The following SSR2 variants were observed in gnomAD, a reference collection of about 807,000 sequenced individuals.
SSR2 encodes the protein signal sequence receptor subunit 2.
Under a neutral mutation model 22.6 loss-of-function variants are expected in SSR2, and 16 were observed. The ratio of observed to expected loss-of-function variants is 0.71; its 90% CI spans 0.48 to 1.08. The LOEUF is 1.08. Among genes scored for constraint, SSR2 ranks in the 50% least tolerant of loss-of-function variants. The probability of loss-of-function intolerance (pLI) is 0.00; values close to 1 mark genes in which losing one functional copy is unlikely to be tolerated. For synonymous variants in SSR2, 83 were observed against 91.2 expected, an observed-to-expected ratio of 0.91 and a Z score of 0.51; for missense variants, 171 against 221.6, an observed-to-expected ratio of 0.77 and a Z score of 1.45.
In SSR2 at chr1:156,009,478, A is replaced by G; in HGVS notation, c.*62T>C. 7.7e-7 allele frequency: 1 copy of G among 1,292,608 alleles called. No homozygotes were observed. The highest frequency in any genetic ancestry group is 1.1e-6 in the Non-Finnish European group (1 of 890,198). The allele number at this position is 1,292,608 out of a possible 1,614,324, so 80.1% of individuals were successfully genotyped here. A position where few individuals can be genotyped will look rare whatever the true frequency, so the allele number is the denominator to read the frequency against. On this transcript the variant is annotated 3_prime_UTR_variant, in exon 6 of 6. Coordinates refer to ENST00000295702, the MANE Select transcript of SSR2 (RefSeq NM_003145.4). The stretch of plus-strand genomic sequence containing the variant: ...AGATACCCTTTGGAGTCTGGAAAGC[A>G]CCTGGATTTCTTGGGAGAGGAGCCT...
chr1:156,013,456 A>C (rs1242374552), intron 4 of SSR2: 1 of 153,326 alleles, frequency 6.5e-6, no homozygotes, highest in Admixed American at 6.6e-5. Context: ...AAGAAAAGAA[A>C]AAAGAAAAGA....
rs1682949458 is a variant in SSR2 at position 156,009,421 on chromosome 1, G to A, written c.*119C>T. The A allele has an allele frequency of 2.5e-6, 2 of 805,594 alleles. No individual in the cohort carries two copies. The highest frequency in any genetic ancestry group is 3.5e-4 in the Middle Eastern group (1 of 2,860). 49.9% of individuals were successfully genotyped at this position (805,594 alleles called of 1,614,324 possible). On this transcript the variant is annotated 3_prime_UTR_variant, in exon 6 of 6. Transcript: ENST00000295702. ...GCAGGGCAGGATCCAGGAGAAAGTG[G>A]CCAAGGGCTAAGAGAGAAGAGATTG... is the stretch of plus-strand genomic sequence containing the variant.
Position 156,009,519 on chromosome 1 carries a change from G to T in SSR2, c.*21C>A, listed in dbSNP as rs755745341. The T allele has an allele frequency of 6.4e-7, 1 of 1,568,784 alleles. No individual in the cohort carries two copies. Reference sequence around the variant, plus strand: ...AGAGGAGCCTGGATTTCTTGGGAGAGGAGGGCTGTGGAAGCCCCAATCAGT... The same window carrying T: ...AGAGGAGCCTGGATTTCTTGGGAGATGAGGGCTGTGGAAGCCCCAATCAGT... On this transcript the variant is annotated 3_prime_UTR_variant, in exon 6 of 6. Transcript: ENST00000295702.
chr1:156,019,610 C>T (rs1471457917), intron 2 of SSR2, among the ~76,000 whole-genome samples: 1 of 152,172 alleles, frequency 6.6e-6, no homozygotes, highest in Non-Finnish European at 1.5e-5. Context: ...GTCTCGATCT[C>T]CTGACCTCCA....
chr1:156,015,538 ATATATAT>A (rs1683042616), intron 3 of SSR2, among the ~76,000 whole-genome samples: 12 of 50,070 alleles, frequency 2.4e-4, no homozygotes, highest in African/African-American at 7.2e-4. Flanking sequence ...AAAAAAAAAT[ATATATAT>A]ATATATATAT....
At position 156,020,936 on chromosome 1, in the gene SSR2, C is replaced by G. The variant is rs1049608119; in HGVS notation, c.-49G>C. 2.1e-6 allele frequency: 1 copy of G among 471,294 alleles called. No individual in the cohort carries two copies. Among genetic ancestry groups the G allele is most frequent in the South Asian group, 1.5e-5 (1 of 64,560 alleles). 29.2% of individuals were successfully genotyped at this position (471,294 alleles called of 1,614,324 possible). A position where few individuals can be genotyped will look rare whatever the true frequency, so the allele number is the denominator to read the frequency against. On this transcript the variant is annotated 5_prime_UTR_variant, in exon 1 of 6. Coordinates refer to ENST00000295702, the MANE Select transcript of SSR2 (RefSeq NM_003145.4). ...CGGAGCCACAAAGACAGGAAGAGAG[C>G]GTCAGCATCCGAAAGACCGGAAATA...
chr1:156,020,907 T>C lies in SSR2; in HGVS notation c.-20A>G, dbSNP rs1683144537. ...ACTTACCGTTGGCATCCCAAACGCC[T>C]TTCCGGAGCCACAAAGACAGGAAGA... On this transcript the variant is annotated 5_prime_UTR_variant, in exon 1 of 6. Transcript: ENST00000295702. 2 of 471,296 alleles carry C rather than the reference T, an allele frequency of 4.2e-6. No homozygotes were observed. The highest frequency in any genetic ancestry group is 8.8e-6 in the Non-Finnish European group (2 of 227,016). The allele number at this position is 471,296 out of a possible 1,614,324, so 29.2% of individuals were successfully genotyped here.
intron 4 of SSR2, 123 bp from the exon 5 acceptor site, chr1:156,012,010 G>T: frequency 1.5e-6 from 1 of 665,794 alleles, no homozygotes; most frequent in Non-Finnish European, 2.6e-6. Context: ...GTTCCCAAAG[G>T]CTCAGAAGAA....
chr1:156,015,545 T>A (rs1329531676), intron 3 of SSR2, among the ~76,000 whole-genome samples: 40 of 120,242 alleles, frequency 3.3e-4, no homozygotes, highest in African/African-American at 1.2e-3. Context: ...AATATATATA[T>A]ATATATATAT....
intron 1 of SSR2, chr1:156,020,392 C>T (rs1157995573): frequency 6.2e-6 from 3 of 480,882 alleles, no homozygotes; most frequent in Admixed American, 6.8e-5. Context: ...TATCTACTGC[C>T]CTCTTCCTGT....
chr1:156,009,860 G>A (rs534671333), intron 5 of SSR2, among the ~76,000 whole-genome samples: 3 of 152,150 alleles, frequency 2.0e-5, no homozygotes, highest in Admixed American at 1.3e-4. Flanking sequence ...TGCAACCTCC[G>A]CCTCCAGGGT....
chr1:156,017,252 T>C (rs926020910), intron 3 of SSR2, among the ~76,000 whole-genome samples: 6 of 152,180 alleles, frequency 3.9e-5, no homozygotes, highest in African/African-American at 1.2e-4. Context: ...TACCATCTAA[T>C]TCAATACTCA....
At chr1:156,017,948 CCAT>C (rs1287107826) in intron 3 of SSR2, among the ~76,000 whole-genome samples, 2 of 151,312 alleles carry the variant, frequency 1.3e-5, no homozygotes, top group African/African-American at 4.9e-5. Flanking sequence ...CAGGGTTTCA[CCAT>C]GTTGGCCAGG....
Position 156,020,331 on chromosome 1 carries a change from T to C in SSR2, c.1-164A>G, listed in dbSNP as rs568729816. 9.6e-5 allele frequency: 62 copies of C among 646,170 alleles called. 1 individual carries two copies. The highest frequency in any genetic ancestry group is 1.3e-4 in the Non-Finnish European group (49 of 381,342). The allele number at this position is 646,170 out of a possible 1,614,324, so 40.0% of individuals were successfully genotyped here. On this transcript the variant is annotated intron_variant, in intron 1 of 5. Transcript: ENST00000295702. ...CAGAGCAGACCCGTTCTCCAGACTC[T>C]CCTACCATCTTCACCCTGCAGCCCT...
chr1:156,015,882 A>T (rs1006285224), intron 3 of SSR2, among the ~76,000 whole-genome samples: 3 of 151,794 alleles, frequency 2.0e-5, no homozygotes, highest in Admixed American at 6.6e-5. Context: ...CAGGCATGGG[A>T]GCTCATGCCT....
intron 4 of SSR2, chr1:156,014,756 G>A (rs1451598237): frequency 4.6e-6 from 2 of 432,048 alleles, no homozygotes; most frequent in East Asian, 4.0e-5. Context: ...TGGCCAGGCT[G>A]GTCTTGAACT....
chr1:156,020,450 A>C, intron 1 of SSR2: 1 of 371,960 alleles, frequency 2.7e-6, no homozygotes, highest in Non-Finnish European at 5.2e-6. Context: ...CTGAGGGGAC[A>C]CCATGTGGCC....
intron 3 of SSR2, among the ~76,000 whole-genome samples, chr1:156,015,492 T>A (rs1683038150): frequency 1.1e-5 from 1 of 88,468 alleles, no homozygotes; most frequent in African/African-American, 4.6e-5. Flanking sequence ...GGTAACAGAG[T>A]GAGACTCCGC....
rs1415629815 is a variant in SSR2, at chr1:156,015,045, C to A, written c.279G>T (p.Val93=). The change falls in exon 4 of 6, where the codon GTG becomes GTT. Residue 93 remains valine, a synonymous_variant. Coordinates refer to ENST00000295702, the MANE Select transcript of SSR2 (RefSeq NM_003145.4). The part of the protein sequence containing the change: ...IAPASNVSHT[V]VLRPLKAGYF... The stretch of plus-strand genomic sequence containing the variant: ...AACCAGCCTTGAGAGGGCGCAGGAC[C>A]ACAGTGTGGGAGACATTGCTAGCAC... 1.2e-6 allele frequency: 2 copies of A among 1,613,922 alleles called. No homozygotes were observed. Among genetic ancestry groups the A allele is most frequent in the Non-Finnish European group, 1.7e-6 (2 of 1,179,924 alleles).
Sources: gnomAD v4.1 joint callset for allele counts (sites outside exome capture counted in the v4.1 genomes callset) on GRCh38, gnomAD v4.1.1 for gene constraint, MANE v1.5 for transcripts, NCBI Gene and HGNC (gene_info 2026-07-23, HGNC 2026-07-21) for gene names.